Variants in ABHD17C observed in about 807,000 individuals in gnomAD.
ABHD17C encodes the protein abhydrolase domain containing 17C, depalmitoylase.
ABHD17C carries 11 observed loss-of-function variants against 27.9 expected under a neutral mutation model. That is an observed-to-expected ratio of 0.39 (90% CI 0.25 to 0.65). The LOEUF (loss-of-function observed/expected upper bound fraction) is 0.65, where lower values mean the gene tolerates loss of function less well. Ranked by LOEUF, ABHD17C falls within the 30% of genes least tolerant of loss-of-function variation. The pLI is 0.45. For missense variants in ABHD17C, 280 were observed against 470.2 expected, an observed-to-expected ratio of 0.60 and a Z score of 3.74; for synonymous variants, 233 against 209.1, an observed-to-expected ratio of 1.11 and a Z score of -0.98.
chr15:80,719,991 G>A (rs1383100178), intron 1 of ABHD17C, among the ~76,000 whole-genome samples: 1 of 152,116 alleles, frequency 6.6e-6, no homozygotes, highest in Non-Finnish European at 1.5e-5. Context: ...GTTGAGGTGG[G>A]GTTTTGCCAT....
At chr15:80,751,425 T>G (rs1895365128) in intron 2 of ABHD17C, among the ~76,000 whole-genome samples, 2 of 151,810 alleles carry the variant, frequency 1.3e-5, no homozygotes, top group South Asian at 4.2e-4. Flanking sequence ...AAATGAGAGG[T>G]TAAGTAATTT....
intron 1 of ABHD17C, among the ~76,000 whole-genome samples, chr15:80,698,957 G>A (rs1446873619): frequency 6.6e-6 from 1 of 152,222 alleles, no homozygotes; most frequent in African/African-American, 2.4e-5. Flanking sequence ...CCCCCAGGAG[G>A]ACTGTAAGGT....
intron 1 of ABHD17C, among the ~76,000 whole-genome samples, chr15:80,740,732 C>T (rs112360256): frequency 6.4e-4 from 98 of 152,278 alleles, no homozygotes; most frequent in African/African-American, 2.3e-3. Flanking sequence ...GCTCTTCAGT[C>T]AGATTTCAGT....
Position 80,695,747 on chromosome 15 carries a change from C to G in ABHD17C, c.318C>G (p.Ala106=), listed in dbSNP as rs761526321. ...DWQYSQRELD[A]VEVFFSRTAR... ...AGTACTCGCAGCGCGAGCTGGACGC[C>G]GTCGAGGTCTTCTTCTCGCGCACGG... is the stretch of plus-strand genomic sequence containing the variant. The change falls in exon 1 of 3, where the codon GCC becomes GCG. Residue 106 remains alanine, a synonymous_variant. Coordinates refer to ENST00000258884, the MANE Select transcript of ABHD17C (RefSeq NM_021214.2). This position sits in a 1 kb window ranked among gnomAD's most constrained non-coding sequence, Gnocchi z 4.3. 2.4e-5 allele frequency: 37 copies of G among 1,535,556 alleles called. 1 individual carries two copies. The highest frequency in any genetic ancestry group is 3.1e-5 in the Non-Finnish European group (35 of 1,147,110).
intron 1 of ABHD17C, among the ~76,000 whole-genome samples, chr15:80,721,013 T>G (rs1894890748): frequency 6.6e-6 from 1 of 152,108 alleles, no homozygotes; most frequent in Admixed American, 6.5e-5. Flanking sequence ...GAGATTTTCT[T>G]TAATATTTCT....
chr15:80,707,269 A>G (rs778118981), intron 1 of ABHD17C, among the ~76,000 whole-genome samples: 1 of 152,204 alleles, frequency 6.6e-6, no homozygotes, highest in African/African-American at 2.4e-5. Flanking sequence ...TTTTAGGGGA[A>G]TTCAATGGAC....
At chr15:80,730,532 C>G (rs1895044111) in intron 1 of ABHD17C, among the ~76,000 whole-genome samples, 1 of 152,242 alleles carries the variant, frequency 6.6e-6, no homozygotes, top group Non-Finnish European at 1.5e-5. Flanking sequence ...TGTTGGCATG[C>G]AGCTTGTATG....
At chr15:80,710,597 T>C (rs2141495292) in intron 1 of ABHD17C, among the ~76,000 whole-genome samples, 1 of 152,252 alleles carries the variant, frequency 6.6e-6, no homozygotes, top group South Asian at 2.1e-4. Flanking sequence ...TTGGATGTAT[T>C]TGAAAGGCGG....
At chr15:80,726,142 G>A (rs1894970977) in intron 1 of ABHD17C, among the ~76,000 whole-genome samples, 1 of 152,266 alleles carries the variant, frequency 6.6e-6, no homozygotes, top group African/African-American at 2.4e-5. Flanking sequence ...TGCAGCAGGA[G>A]CATGTCCTTA....
chr15:80,720,934 A>G (rs1894889408), intron 1 of ABHD17C, among the ~76,000 whole-genome samples: 1 of 148,514 alleles, frequency 6.7e-6, no homozygotes, highest in Admixed American at 6.7e-5. Context: ...AAAAAAAAAA[A>G]AATATTAATT....
rs141627874 is a variant in ABHD17C at position 80,747,361 on chromosome 15, G to C, written c.591-2152G>C. 2.4e-3 allele frequency among the ~76,000 whole-genome samples: 360 copies of C among 152,258 alleles called. 2 individuals carry two copies. The highest frequency in any genetic ancestry group is 4.1e-3 in the Non-Finnish European group (276 of 68,020). The stretch of plus-strand genomic sequence containing the variant: ...CTCTCCCCAAAGACTCCCTGGACTT[G>C]AGGTTAAGAACTCCTGCTGAAACGG... On this transcript the variant is annotated intron_variant, in intron 1 of 2. Transcript: ENST00000258884.
intron 1 of ABHD17C, among the ~76,000 whole-genome samples, chr15:80,722,321 CTTT>C (rs397964136): frequency 4.0e-4 from 42 of 105,110 alleles, no homozygotes; most frequent in African/African-American, 1.4e-3. Context: ...CCAAAGGAAT[CTTT>C]TTTTTTTTTT....
At chr15:80,749,388 G>A (rs1895337241) in intron 1 of ABHD17C, 125 bp from the exon 2 acceptor site, 1 of 962,718 alleles carries the variant, frequency 1.0e-6, no homozygotes, top group Admixed American at 2.8e-5. Flanking sequence ...AAGTGTACAA[G>A]TTAGATGATA....
chr15:80,703,846 A>G (rs913855646), intron 1 of ABHD17C, among the ~76,000 whole-genome samples: 3 of 152,210 alleles, frequency 2.0e-5, no homozygotes, highest in African/African-American at 7.2e-5. Context: ...CCCCCAGTGG[A>G]TGCCTGAGCC....
intron 1 of ABHD17C, among the ~76,000 whole-genome samples, chr15:80,729,791 G>A (rs555629073): frequency 6.6e-6 from 1 of 152,310 alleles, no homozygotes; most frequent in South Asian, 2.1e-4. Context: ...AGACAGGACT[G>A]TTTGAGGTCC....
chr15:80,750,263 A>G lies in ABHD17C; in HGVS notation c.770+571A>G, dbSNP rs543892632. Among the ~76,000 whole-genome samples the G allele has an allele frequency of 1.2e-4, 19 of 152,358 alleles. No homozygotes were observed. The East Asian group carries it at 3.7e-3, about 29-fold the overall frequency. On this transcript the variant is annotated intron_variant, in intron 2 of 2. Coordinates refer to ENST00000258884, the MANE Select transcript of ABHD17C (RefSeq NM_021214.2). ...GCTTTGATCTTCGGTAAATAGCCAC[A>G]GGAATGGTATAAATGAACAAACTCA... is the stretch of plus-strand genomic sequence containing the variant.
At chr15:80,751,166 A>G (rs1347978300) in intron 2 of ABHD17C, among the ~76,000 whole-genome samples, 1 of 151,462 alleles carries the variant, frequency 6.6e-6, no homozygotes, top group Non-Finnish European at 1.5e-5. Context: ...CCTGGGTAAC[A>G]TGGTGAAACC....
chr15:80,719,896 C>T (rs565395969), intron 1 of ABHD17C, among the ~76,000 whole-genome samples: 23 of 152,270 alleles, frequency 1.5e-4, no homozygotes, highest in African/African-American at 5.3e-4. Context: ...CTCCCAGGCT[C>T]CAACAATCCT....
At chr15:80,707,182 G>A (rs1452467687) in intron 1 of ABHD17C, among the ~76,000 whole-genome samples, 1 of 152,204 alleles carries the variant, frequency 6.6e-6, no homozygotes, top group Non-Finnish European at 1.5e-5. Context: ...CCAATGGGGT[G>A]CATATTCTTA....
Sources: allele counts gnomAD v4.1 joint callset (sites outside exome capture counted in the v4.1 genomes callset), GRCh38; gene constraint gnomAD v4.1.1; non-coding constraint Gnocchi (gnomAD v3.1); transcripts MANE v1.5; gene names NCBI Gene and HGNC (gene_info 2026-07-23, HGNC 2026-07-21).